PEAK1: variants seen among roughly 807,000 people sequenced by gnomAD.
PEAK1 encodes inactive tyrosine-protein kinase PEAK1.
PEAK1 carries 54 observed loss-of-function variants against 124.7 expected under a neutral mutation model. That is an observed-to-expected ratio of 0.43 (90% CI 0.35 to 0.54). The LOEUF is 0.54. Among genes scored for constraint, PEAK1 ranks in the 20% least tolerant of loss-of-function variants. The probability of loss-of-function intolerance (pLI) is 0.01; values close to 1 mark genes in which losing one functional copy is unlikely to be tolerated. For synonymous variants in PEAK1, 719 were observed against 760.0 expected (o/e 0.95, Z 0.89); for missense variants, 2,046 against 2,134.5 (o/e 0.96, Z 0.82).
chr15:77,331,894 G>A (rs2065910139), intron 2 of PEAK1, among the ~76,000 whole-genome samples: 1 of 152,012 alleles, frequency 6.6e-6, no homozygotes, highest in African/African-American at 2.4e-5. Flanking sequence ...GGGATTACAG[G>A]CATAAGCCAC....
chr15:77,347,654 A>C, intron 2 of PEAK1: 1 of 975,102 alleles, frequency 1.0e-6, no homozygotes, highest in Non-Finnish European at 1.2e-6. Context: ...TAACAAATAT[A>C]ACAACATAAA....
intron 2 of PEAK1, chr15:77,348,436 T>A (rs2067005266): frequency 1.1e-6 from 1 of 936,696 alleles, no homozygotes; most frequent in Admixed American, 6.2e-5. Context: ...GCTGATTTTT[T>A]AAAAAGAAAA....
At chr15:77,164,611 TAC>T (rs1341774453) in intron 7 of PEAK1, among the ~76,000 whole-genome samples, 3 of 152,290 alleles carry the variant, frequency 2.0e-5, no homozygotes, top group South Asian at 2.1e-4. Context: ...TAAGAAAAAT[TAC>T]AGTTTTAAAA....
intron 2 of PEAK1, among the ~76,000 whole-genome samples, chr15:77,359,200 G>A (rs575928747): frequency 1.3e-5 from 2 of 152,266 alleles, no homozygotes; most frequent in South Asian, 2.1e-4. Flanking sequence ...CACTTTGGGA[G>A]GCTAAGGCGG....
chr15:77,181,289 C>T lies in PEAK1; in HGVS notation c.638G>A (p.Gly213Glu), dbSNP rs1185549563. Residue 213 changes from glycine to glutamate, a missense_variant, in exon 7 of 10, where the codon GGG becomes GAG. Physicochemically the swap from Gly to Glu is moderately conservative, Grantham distance 98. Coordinates refer to ENST00000682557, the MANE Select transcript of PEAK1 (RefSeq NM_001385026.1). ...TTCATTACTAATCACTTCTGTGCTC[C>T]CACTCAGAATAACATGCTTGCCCTG... is the stretch of plus-strand genomic sequence containing the variant. ...ETQGKHVILS[G>E]STEVISNEGG... 1.9e-6 allele frequency: 3 copies of T among 1,614,074 alleles called. No individual in the cohort carries two copies. Among genetic ancestry groups the T allele is most frequent in the Non-Finnish European group, 2.5e-6 (3 of 1,180,022 alleles).
chr15:77,156,757 T>C (rs2055193347), intron 8 of PEAK1: 1 of 152,178 alleles, frequency 6.6e-6, no homozygotes, highest in Admixed American at 6.5e-5. Context: ...ATGAAAGAAA[T>C]TTTGGTTTAA....
At chr15:77,348,308 T>C (rs2066997579) in intron 2 of PEAK1, 1 of 872,158 alleles carries the variant, frequency 1.1e-6, no homozygotes, top group Non-Finnish European at 1.4e-6. Context: ...ATGAGTCTCA[T>C]GCCACCTACT....
At chr15:77,354,461 C>T (rs1013581659) in intron 2 of PEAK1, among the ~76,000 whole-genome samples, 23 of 152,170 alleles carry the variant, frequency 1.5e-4, no homozygotes, top group African/African-American at 5.5e-4. Flanking sequence ...TCATACTACT[C>T]TTGAAACCAT....
chr15:77,105,379 TG>T (rs1207470981), downstream of PEAK1: 1 of 152,026 alleles, frequency 6.6e-6, no homozygotes, highest in African/African-American at 2.4e-5. Flanking sequence ...CGCACATACC[TG>T]TACAGAGGTT....
intron 7 of PEAK1, 100 bp downstream of exon 7, chr15:77,178,690 A>G: frequency 8.3e-7 from 1 of 1,199,386 alleles, no homozygotes; most frequent in South Asian, 1.5e-5. Flanking sequence ...TGCTACTTAC[A>G]AACAGAAATG....
chr15:77,187,193 T>TA (rs980994652), intron 6 of PEAK1, among the ~76,000 whole-genome samples: 19 of 152,236 alleles, frequency 1.2e-4, no homozygotes, highest in Admixed American at 1.1e-3. Flanking sequence ...AAGCTGCCCC[T>TA]AGGAGGTAGC....
chr15:77,376,045 G>C (rs1479153426), intron 1 of PEAK1, among the ~76,000 whole-genome samples: 4 of 140,302 alleles, frequency 2.9e-5, no homozygotes, highest in African/African-American at 1.1e-4. Flanking sequence ...ATAAATAAAT[G>C]TAATAATAAA....
intron 5 of PEAK1, among the ~76,000 whole-genome samples, chr15:77,276,349 AAAC>A (rs1411336879): frequency 6.6e-6 from 1 of 152,216 alleles, no homozygotes; most frequent in East Asian, 1.9e-4. Flanking sequence ...AGCAACAGAA[AAAC>A]AACATTTTCC....
intron 2 of PEAK1, among the ~76,000 whole-genome samples, chr15:77,287,998 A>G (rs1361439554): frequency 6.6e-6 from 1 of 152,142 alleles, no homozygotes; most frequent in Non-Finnish European, 1.5e-5. Context: ...ATATGACCAA[A>G]TCAGTAACCT....
intron 7 of PEAK1, among the ~76,000 whole-genome samples, chr15:77,162,882 C>T (rs183111807): frequency 1.3e-5 from 2 of 152,080 alleles, no homozygotes; most frequent in East Asian, 1.9e-4. Context: ...TATGTTAGCA[C>T]GTCTTAAAAT....
At chr15:77,290,928 C>T (rs2063179581) in intron 2 of PEAK1, among the ~76,000 whole-genome samples, 1 of 152,186 alleles carries the variant, frequency 6.6e-6, no homozygotes, top group Admixed American at 6.5e-5. Flanking sequence ...TGAAGAATCT[C>T]TAAATGTAGG....
At chr15:77,336,451 T>C (rs2066206173) in intron 2 of PEAK1, 1 of 985,314 alleles carries the variant, frequency 1.0e-6, no homozygotes, top group South Asian at 4.7e-5. Flanking sequence ...TGGTTTTATA[T>C]TATTCACACA....
rs373457297 is a variant in PEAK1, at chr15:77,114,505, C to A, written c.4892G>T (p.Arg1631Leu). ...CTGCAGACCCCGGGAGTAGGGGGAGCGGAATGGGATGCGAGGCAGGTCTGC... is the reference window on the plus strand; with the variant it reads ...CTGCAGACCCCGGGAGTAGGGGGAGAGGAATGGGATGCGAGGCAGGTCTGC... Reference protein sequence around the residue: ...TRADLPRIPFRSPYSRGLQQL... With the variant: ...TRADLPRIPFLSPYSRGLQQL... Residue 1631 changes from arginine to leucine, a missense_variant, in exon 10 of 10, where the codon CGC (arginine) becomes CTC (leucine). By Grantham distance (102) the Arg-to-Leu change is moderately radical. Coordinates refer to ENST00000682557, the MANE Select transcript of PEAK1 (RefSeq NM_001385026.1). 6.1e-5 allele frequency: 98 copies of A among 1,613,764 alleles called. 1 individual carries two copies. The African/African-American group carries it at 1.2e-3, about 19-fold the overall frequency.
chr15:77,417,498 G>A (rs1319712942), intron 1 of PEAK1: 35 of 984,276 alleles, frequency 3.6e-5, no homozygotes, highest in Non-Finnish European at 3.7e-5. Flanking sequence ...TCACAGTAAA[G>A]AGATCAGCAA....
Sources: allele counts gnomAD v4.1 joint callset (sites outside exome capture counted in the v4.1 genomes callset), GRCh38; gene constraint gnomAD v4.1.1; transcripts MANE v1.5; gene names NCBI Gene and HGNC (gene_info 2026-07-23, HGNC 2026-07-21).